The following KANSL1L variants were observed in gnomAD, a reference collection of about 807,000 sequenced individuals.
The protein encoded by KANSL1L is KAT8 regulatory NSL complex subunit 1 like.
In KANSL1L, 25 loss-of-function variants were observed where a neutral mutation model predicts 108.6. The ratio of observed to expected loss-of-function variants is 0.23; its 90% CI spans 0.17 to 0.32. The LOEUF (loss-of-function observed/expected upper bound fraction) is 0.32, where lower values mean the gene tolerates loss of function less well. Ranked by LOEUF, KANSL1L falls within the 10% of genes least tolerant of loss-of-function variation. KANSL1L has a pLI of 1.00. For synonymous variants in KANSL1L, 405 were observed against 395.1 expected (o/e 1.03, Z -0.30); for missense variants, 1,137 against 1,125.7 (o/e 1.01, Z -0.14).
At chr2:210,126,459 A>C (rs1228174118) in intron 3 of KANSL1L, among the ~76,000 whole-genome samples, 1 of 152,118 alleles carries the variant, frequency 6.6e-6, no homozygotes, top group Non-Finnish European at 1.5e-5. Context: ...CAGAAAAAAA[A>C]CTTATCCTAA....
chr2:210,156,017 C>A (rs973676871), intron 1 of KANSL1L, among the ~76,000 whole-genome samples: 2 of 152,056 alleles, frequency 1.3e-5, no homozygotes, highest in African/African-American at 2.4e-5. Context: ...AAAACGGTTA[C>A]TAGCAAAATG....
In KANSL1L at chr2:210,128,693, A is replaced by C. The variant is rs968889288; in HGVS notation, c.1230+338T>G. Among the ~76,000 whole-genome samples, 5 of 152,274 alleles carry C rather than the reference A, an allele frequency of 3.3e-5. No individual in the cohort carries two copies. The South Asian group carries it at 8.3e-4, about 25-fold the overall frequency. On this transcript the variant is annotated intron_variant, in intron 3 of 14. Coordinates refer to ENST00000281772, the MANE Select transcript of KANSL1L (RefSeq NM_152519.4). ...ATAGCGACAGATGCACAACATTACAAATGTATTTAATAACACAACTATACA... is the reference window on the plus strand; with the variant it reads ...ATAGCGACAGATGCACAACATTACACATGTATTTAATAACACAACTATACA...
chr2:210,156,247 A>C (rs998228483), intron 1 of KANSL1L, among the ~76,000 whole-genome samples: 1 of 152,098 alleles, frequency 6.6e-6, no homozygotes, highest in East Asian at 1.9e-4. Flanking sequence ...CAAACTGATA[A>C]AAATTTTTTT....
rs1003515990 is a variant in KANSL1L at position 210,132,917 on chromosome 2, T to G, written c.1089-3745A>C. ...CTTGAGTTTCAATGAAATTAATCAGTGAAGCCATCTGAGCCACAAGTTTTC... is the reference window on the plus strand; with the variant it reads ...CTTGAGTTTCAATGAAATTAATCAGGGAAGCCATCTGAGCCACAAGTTTTC... On this transcript the variant is annotated intron_variant, in intron 2 of 14. Coordinates refer to ENST00000281772, the MANE Select transcript of KANSL1L (RefSeq NM_152519.4). 2.0e-5 allele frequency among the ~76,000 whole-genome samples: 3 copies of G among 152,200 alleles called. No homozygotes were observed. In the East Asian group the frequency reaches 5.8e-4, roughly 29 times the overall value.
chr2:210,040,315 T>C (rs1307362349), intron 8 of KANSL1L, 105 bp downstream of exon 8: 1 of 665,488 alleles, frequency 1.5e-6, no homozygotes, highest in Admixed American at 3.1e-5. Context: ...ATTAAGGATT[T>C]TCATGTATTC....
At chr2:210,104,836 T>C (rs1028253184) in intron 3 of KANSL1L, among the ~76,000 whole-genome samples, 1 of 152,116 alleles carries the variant, frequency 6.6e-6, no homozygotes, top group African/African-American at 2.4e-5. Context: ...CAACCAGGGA[T>C]AGGACTGCAC....
At chr2:210,026,072 CTT>C (rs1023479856) in intron 12 of KANSL1L, among the ~76,000 whole-genome samples, 2 of 152,090 alleles carry the variant, frequency 1.3e-5, no homozygotes, top group African/African-American at 4.8e-5. Flanking sequence ...TAATGAATGA[CTT>C]ATCTAGGTTT....
intron 4 of KANSL1L, among the ~76,000 whole-genome samples, chr2:210,100,054 G>T (rs1452263819): frequency 6.6e-6 from 1 of 152,146 alleles, no homozygotes; most frequent in East Asian, 1.9e-4. Context: ...ACCTGTCCAT[G>T]GCCTGTTAGA....
chr2:210,172,158 C>T (rs1271319565), upstream of KANSL1L, among the ~76,000 whole-genome samples: 3 of 152,148 alleles, frequency 2.0e-5, no homozygotes, highest in African/African-American at 7.2e-5. Flanking sequence ...GCGTCTTGCA[C>T]CTGGCCCCGC....
At chr2:210,071,324 G>T (rs934484593) in intron 6 of KANSL1L, among the ~76,000 whole-genome samples, 1 of 151,634 alleles carries the variant, frequency 6.6e-6, no homozygotes, top group Non-Finnish European at 1.5e-5. Flanking sequence ...CTGGAGTGCA[G>T]TGGCATGATC....
chr2:210,117,052 A>G (rs1315491001), intron 3 of KANSL1L, among the ~76,000 whole-genome samples: 1 of 152,170 alleles, frequency 6.6e-6, no homozygotes, highest in African/African-American at 2.4e-5. Flanking sequence ...TGAAACAGTT[A>G]AAAAGAAACA....
intron 1 of KANSL1L, among the ~76,000 whole-genome samples, chr2:210,165,568 T>G (rs1375214421): frequency 1.3e-5 from 2 of 152,170 alleles, no homozygotes; most frequent in East Asian, 3.8e-4. Context: ...AGACTACAAT[T>G]TAATCCAAAG....
intron 6 of KANSL1L, among the ~76,000 whole-genome samples, chr2:210,047,716 T>C (rs1161442423): frequency 6.6e-6 from 1 of 152,194 alleles, no homozygotes; most frequent in Admixed American, 6.5e-5. Flanking sequence ...GTTTTTCCTC[T>C]TGAATTTTGG....
chr2:210,034,692 A>G (rs1015502144), intron 8 of KANSL1L, among the ~76,000 whole-genome samples: 10 of 152,220 alleles, frequency 6.6e-5, no homozygotes, highest in Non-Finnish European at 4.4e-5. Flanking sequence ...TCGAAGGCAC[A>G]AAAGGAACTC....
intron 11 of KANSL1L, among the ~76,000 whole-genome samples, chr2:210,028,034 C>T (rs2125125210): frequency 6.6e-6 from 1 of 152,292 alleles, no homozygotes; most frequent in African/African-American, 2.4e-5. Context: ...GCAGCCTTTT[C>T]TGTCTCTACT....
chr2:210,170,328 T>C (rs1688260130), intron 1 of KANSL1L: 3 of 983,074 alleles, frequency 3.1e-6, no homozygotes, highest in Middle Eastern at 5.2e-4. Context: ...AAAAACGGAA[T>C]GTGCTTACCA....
intron 2 of KANSL1L, among the ~76,000 whole-genome samples, chr2:210,137,353 A>G (rs2095182986): frequency 6.6e-6 from 1 of 152,206 alleles, no homozygotes; most frequent in Non-Finnish European, 1.5e-5. Flanking sequence ...AGTTGAGAAA[A>G]GCTTGACCTT....
chr2:210,029,958 A>T (rs1453247787), intron 9 of KANSL1L, 40 bp from the exon 10 acceptor site: 2 of 944,194 alleles, frequency 2.1e-6, no homozygotes, highest in African/African-American at 3.3e-5. Context: ...ACATTAAACA[A>T]GTCTAATATC....
At chr2:210,026,972 C>T (rs1422977182) in intron 12 of KANSL1L, among the ~76,000 whole-genome samples, 4 of 152,148 alleles carry the variant, frequency 2.6e-5, no homozygotes, top group Admixed American at 6.5e-5. Flanking sequence ...GGGGTTTCAC[C>T]GTGTTAGCTA....
Sources: allele counts gnomAD v4.1 joint callset (sites outside exome capture counted in the v4.1 genomes callset), GRCh38; gene constraint gnomAD v4.1.1; transcripts MANE v1.5; gene names NCBI Gene and HGNC (gene_info 2026-07-23, HGNC 2026-07-21).